The following NRG2 variants were observed in gnomAD, a reference collection of about 807,000 sequenced individuals.
NRG2 encodes the protein neuregulin 2, also known as pro-neuregulin-2, membrane-bound isoform.
Under a neutral mutation model 73.9 loss-of-function variants are expected in NRG2, and 27 were observed. The ratio of observed to expected loss-of-function variants is 0.37; its 90% CI spans 0.27 to 0.50. The LOEUF (loss-of-function observed/expected upper bound fraction) is 0.50, where lower values mean the gene tolerates loss of function less well. Among genes scored for constraint, NRG2 ranks in the 20% least tolerant of loss-of-function variants. NRG2 has a pLI of 0.96. For missense variants in NRG2, 1,126 were observed against 1,210.1 expected, an observed-to-expected ratio of 0.93 and a Z score of 1.03; for synonymous variants, 532 against 541.0, an observed-to-expected ratio of 0.98 and a Z score of 0.23.
intron 1 of NRG2, among the ~76,000 whole-genome samples, chr5:140,026,258 C>T (rs946291980): frequency 2.0e-5 from 3 of 152,098 alleles, no homozygotes; most frequent in Admixed American, 2.0e-4. Flanking sequence ...TCTTGCATGC[C>T]CTGTGAAGAA....
intron 1 of NRG2, among the ~76,000 whole-genome samples, chr5:139,962,514 A>G (rs1224425839): frequency 6.6e-6 from 1 of 152,172 alleles, no homozygotes; most frequent in Non-Finnish European, 1.5e-5. Flanking sequence ...AAGGTTTACA[A>G]GGCTGGGGTA....
intron 1 of NRG2, among the ~76,000 whole-genome samples, chr5:139,969,024 G>A (rs1156765555): frequency 2.6e-5 from 4 of 152,244 alleles, no homozygotes; most frequent in Non-Finnish European, 4.4e-5. Flanking sequence ...GGGTTCCGGC[G>A]CTTGCAATCA....
chr5:139,877,211 C>T (rs748215442), intron 3 of NRG2, among the ~76,000 whole-genome samples: 14 of 152,294 alleles, frequency 9.2e-5, no homozygotes, highest in Admixed American at 3.3e-4. Context: ...AACTTCCTGC[C>T]GACTCCTCCT....
chr5:139,890,087 C>T (rs1028052455), intron 1 of NRG2, among the ~76,000 whole-genome samples: 3 of 152,046 alleles, frequency 2.0e-5, no homozygotes, highest in Admixed American at 6.5e-5. Context: ...CACCAATTTG[C>T]GCTCCCCCCA....
At chr5:139,964,886 T>C (rs1358806036) in intron 1 of NRG2, among the ~76,000 whole-genome samples, 1 of 152,244 alleles carries the variant, frequency 6.6e-6, no homozygotes, top group Non-Finnish European at 1.5e-5. Context: ...GGTTTTTGTC[T>C]GACTGTCAGG....
chr5:139,909,494 C>A (rs572161806), intron 1 of NRG2, among the ~76,000 whole-genome samples: 3 of 152,334 alleles, frequency 2.0e-5, no homozygotes, highest in African/African-American at 7.2e-5. Flanking sequence ...GAGCCTTAAG[C>A]AGTTCCTTGA....
chr5:139,865,739 G>A lies in NRG2; in HGVS notation c.1113-114C>T. The A allele has an allele frequency of 1.3e-6, 1 of 755,464 alleles. No homozygotes were observed. Among genetic ancestry groups the A allele is most frequent in the Non-Finnish European group, 2.1e-6 (1 of 468,164 alleles). The allele number at this position is 755,464 out of a possible 1,614,324, so 46.8% of individuals were successfully genotyped here. On this transcript the variant is annotated intron_variant, in intron 4 of 9. Transcript: ENST00000361474. This position sits in a 1 kb window ranked among gnomAD's most constrained non-coding sequence, Gnocchi z 5.2. ...AGAAAAACCAAGTCAGGCACTTGGG[G>A]TCATACTTGTAGCTGAAGGGACTGG...
chr5:139,865,413 A>G lies in NRG2; in HGVS notation c.1189+136T>C. 1 of 761,326 alleles carries G rather than the reference A, an allele frequency of 1.3e-6. No homozygotes were observed. Among genetic ancestry groups the G allele is most frequent in the Admixed American group, 2.7e-5 (1 of 36,394 alleles). The allele number at this position is 761,326 out of a possible 1,614,324, so 47.2% of individuals were successfully genotyped here. A position where few individuals can be genotyped will look rare whatever the true frequency, so the allele number is the denominator to read the frequency against. On this transcript the variant is annotated intron_variant, in intron 5 of 9. Transcript: ENST00000361474. This position sits in a 1 kb window ranked among gnomAD's most constrained non-coding sequence, Gnocchi z 5.2. ...AAAGAACTAACAAACCAAAATACAAAAAAGAAAAGAGAAACAAAACAAAAC... is the reference window on the plus strand; with the variant it reads ...AAAGAACTAACAAACCAAAATACAAGAAAGAAAAGAGAAACAAAACAAAAC...
chr5:139,987,454 A>G (rs1757256221), intron 1 of NRG2, among the ~76,000 whole-genome samples: 1 of 151,552 alleles, frequency 6.6e-6, no homozygotes, highest in South Asian at 2.1e-4. Context: ...GCAGGGGTCC[A>G]GTGCTCTAAG....
Position 139,848,477 on chromosome 5 carries a change from C to A in NRG2, c.1993G>T (p.Gly665Trp). ...CTGCGCTGCATGTCTGCGCCGGGCCCGGGCCCGGGCCCGGGTCCGGGTCCC... is the reference window on the plus strand; with the variant it reads ...CTGCGCTGCATGTCTGCGCCGGGCCAGGGCCCGGGCCCGGGTCCGGGTCCC... The part of the protein sequence containing the change: ...GPGPGPGPGP[G>W]PGADMQRSYD... The change falls in exon 10 of 10, where the codon GGG becomes TGG. Residue 665 changes from glycine (G) to tryptophan (W), a missense_variant. By Grantham distance (184) the Gly-to-Trp change is radical (BLOSUM62 -2). Around this residue, in one of 3 missense-constraint regions of NRG2, gnomAD observed 402 missense variants for 357.8 expected, o/e 1.12. Transcript: ENST00000361474. The A allele has an allele frequency of 6.0e-6, 8 of 1,335,428 alleles. No homozygotes were observed. The highest frequency in any genetic ancestry group is 6.6e-6 in the Non-Finnish European group (7 of 1,058,114). 82.7% of individuals were successfully genotyped at this position (1,335,428 alleles called of 1,614,324 possible).
chr5:139,941,474 G>A (rs1210751561), intron 1 of NRG2, among the ~76,000 whole-genome samples: 2 of 152,052 alleles, frequency 1.3e-5, no homozygotes, highest in Admixed American at 1.3e-4. Context: ...ATGCTGATCT[G>A]TAATGAGATC....
In NRG2 at chr5:139,848,174, TC is replaced by T; in HGVS notation, c.2295del (p.Ser766AlafsTer101). ...RARAARDSLS[L>X]SSGSGGGSAS... is the part of the protein sequence containing the mutation. ...GCTGAGCCGCCGCCCGAGCCGCTGCTCAGCGACAGCGAGTCCCTCGCCGCCC... is the reference window on the plus strand; with the variant it reads ...GCTGAGCCGCCGCCCGAGCCGCTGCTAGCGACAGCGAGTCCCTCGCCGCCC... On this transcript the variant is annotated frameshift_variant, in exon 10 of 10. Coordinates refer to ENST00000361474, the MANE Select transcript of NRG2 (RefSeq NM_004883.3). LOFTEE classifies it high-confidence loss of function. The T allele has an allele frequency of 7.0e-7, 1 of 1,421,984 alleles. No homozygotes were observed. Among genetic ancestry groups the T allele is most frequent in the Non-Finnish European group, 9.1e-7 (1 of 1,094,140 alleles). 88.1% of individuals were successfully genotyped at this position (1,421,984 alleles called of 1,614,324 possible).
intron 1 of NRG2, among the ~76,000 whole-genome samples, chr5:139,963,019 T>A (rs1249508572): frequency 6.6e-6 from 1 of 152,204 alleles, no homozygotes; most frequent in Non-Finnish European, 1.5e-5. Flanking sequence ...AGGTTTCTCT[T>A]CTCCAGGTTC....
At chr5:139,937,212 A>G (rs181726786) in intron 1 of NRG2, among the ~76,000 whole-genome samples, 1 of 152,254 alleles carries the variant, frequency 6.6e-6, no homozygotes, top group Admixed American at 6.5e-5. Context: ...AATTCACTCT[A>G]TTAACAAACA....
intron 1 of NRG2, among the ~76,000 whole-genome samples, chr5:139,906,192 G>C (rs1765212555): frequency 1.3e-5 from 2 of 152,016 alleles, no homozygotes; most frequent in South Asian, 4.2e-4. Context: ...ATTTTTAGTA[G>C]AGACGGTGTT....
intron 1 of NRG2, among the ~76,000 whole-genome samples, chr5:139,949,778 C>T (rs1474696164): frequency 6.6e-6 from 1 of 152,234 alleles, no homozygotes. Flanking sequence ...TGCTGGGTGT[C>T]TGGCCATGGC....
At chr5:139,891,636 A>G (rs1764215775) in intron 1 of NRG2, among the ~76,000 whole-genome samples, 1 of 152,032 alleles carries the variant, frequency 6.6e-6, no homozygotes, top group Non-Finnish European at 1.5e-5. Context: ...AGTTAAAAAA[A>G]AAAAGCAGCT....
At chr5:139,910,874 T>A (rs1050385043) in intron 1 of NRG2, among the ~76,000 whole-genome samples, 1 of 152,034 alleles carries the variant, frequency 6.6e-6, no homozygotes, top group African/African-American at 2.4e-5. Flanking sequence ...CCTGCTTCAT[T>A]TTCAGACCCT....
chr5:139,991,257 C>T (rs1757607939), intron 1 of NRG2, among the ~76,000 whole-genome samples: 1 of 151,706 alleles, frequency 6.6e-6, no homozygotes, highest in Non-Finnish European at 1.5e-5. Flanking sequence ...GCCTGGGCGA[C>T]AGAACAAGAC....
Sources: allele counts gnomAD v4.1 joint callset (sites outside exome capture counted in the v4.1 genomes callset), GRCh38; gene constraint gnomAD v4.1.1; regional missense constraint gnomAD v4.1.1; non-coding constraint Gnocchi (gnomAD v3.1); transcripts MANE v1.5; gene names NCBI Gene and HGNC (gene_info 2026-07-23, HGNC 2026-07-21).